Variants in CEP68 observed in about 807,000 individuals in gnomAD.
The protein encoded by CEP68 is centrosomal protein 68, also known as centrosomal protein of 68 kDa.
In CEP68, 26 loss-of-function variants were observed where a neutral mutation model predicts 55.3. The ratio of observed to expected loss-of-function variants is 0.47; its 90% CI spans 0.34 to 0.65. The LOEUF (loss-of-function observed/expected upper bound fraction) is 0.65. Ranked by LOEUF, CEP68 falls within the 30% of genes least tolerant of loss-of-function variation. CEP68 has a pLI of 0.01. For synonymous variants in CEP68, 402 were observed against 383.2 expected (o/e 1.05, Z -0.57); for missense variants, 957 against 946.7 (o/e 1.01, Z -0.14).
intron 1 of CEP68, among the ~76,000 whole-genome samples, chr2:65,059,107 G>A (rs1174531419): frequency 6.6e-6 from 1 of 152,150 alleles, no homozygotes; most frequent in African/African-American, 2.4e-5. Flanking sequence ...TATGGAGGTG[G>A]ACTCTCCTTA....
Position 65,069,601 on chromosome 2 carries a change from T to G in CEP68, c.157T>G (p.Ser53Ala), listed in dbSNP as rs766769339. The G allele has an allele frequency of 2.9e-5, 46 of 1,613,840 alleles. 2 individuals are homozygous for G. In the Admixed American group the frequency reaches 7.3e-4, roughly 26 times the overall value. The stretch of plus-strand genomic sequence containing the variant: ...CCTGGAAGCTGAGGGAGGGCTCATC[T>G]CCCCTGTATGGGGGGCAGAAGGGAT... ...PRLEAEGGLI[S>A]PVWGAEGIPA... is the part of the protein sequence containing the mutation. Residue 53 changes from serine (S) to alanine (A), a missense_variant, in exon 2 of 7, where the codon TCC becomes GCC. Coordinates refer to ENST00000377990, the MANE Select transcript of CEP68 (RefSeq NM_015147.3).
Position 65,071,768 on chromosome 2 carries a change from C to T in CEP68, c.672C>T (p.Val224=), listed in dbSNP as rs1178576140. The change falls in exon 3 of 7, where the codon GTC becomes GTT. Residue 224 remains valine (V), a synonymous_variant. Coordinates refer to ENST00000377990, the MANE Select transcript of CEP68 (RefSeq NM_015147.3). ...AEPRGGSLAK[V]SSSLEPVVPQ... ...CTCGTGGTGGTTCTCTGGCCAAGGT[C>T]TCCTCCTCCCTGGAGCCGGTCGTCC... 1 of 1,612,852 alleles carries T rather than the reference C, an allele frequency of 6.2e-7. No individual in the cohort carries two copies. The highest frequency in any genetic ancestry group is 1.7e-5 in the Admixed American group (1 of 59,992).
At chr2:65,083,074 C>T (rs77196225) in intron 6 of CEP68, among the ~76,000 whole-genome samples, 1,724 of 152,254 alleles carry the variant, frequency 0.011, 22 homozygotes, top group Non-Finnish European at 0.017. Flanking sequence ...ATGACCTGGC[C>T]ACCCCTGTTC....
chr2:65,083,399 T>C (rs759958041), intron 6 of CEP68, among the ~76,000 whole-genome samples: 2 of 152,226 alleles, frequency 1.3e-5, no homozygotes, highest in Non-Finnish European at 2.9e-5. Context: ...TGCCAATGCT[T>C]TTCATAATTC....
chr2:65,074,429 T>C (rs751112426), intron 4 of CEP68, 25 bp downstream of exon 4: 6 of 1,613,988 alleles, frequency 3.7e-6, no homozygotes, highest in Non-Finnish European at 5.1e-6. Flanking sequence ...TGGCTCTGGC[T>C]TGTTCCCTCA....
Position 65,074,318 on chromosome 2 carries a change from C to T in CEP68, c.1921C>T (p.Leu641=), listed in dbSNP as rs1452430345. The change falls in exon 4 of 7, where the codon CTG becomes TTG. Residue 641 remains leucine (L), a synonymous_variant. Transcript: ENST00000377990. ...CCQLEELICW[L]YNVADVTDHG... is the part of the protein sequence containing the mutation. ...TCAGCTGGAAGAGCTGATCTGCTGG[C>T]TGTATAATGTTGCAGATGTTACTGA... 11 of 1,614,180 alleles carry T rather than the reference C, an allele frequency of 6.8e-6. No homozygotes were observed. The highest frequency in any genetic ancestry group is 1.7e-5 in the Admixed American group (1 of 60,026).
At position 65,078,114 on chromosome 2, in the gene CEP68, T is replaced by G. The variant is rs1676845997; in HGVS notation, c.2104+150T>G. 8 of 568,328 alleles carry G rather than the reference T, an allele frequency of 1.4e-5. No individual in the cohort carries two copies. The South Asian group carries it at 1.9e-4, about 13-fold the overall frequency. The allele number at this position is 568,328 out of a possible 1,614,324, so 35.2% of individuals were successfully genotyped here. On this transcript the variant is annotated intron_variant, in intron 5 of 6. Coordinates refer to ENST00000377990, the MANE Select transcript of CEP68 (RefSeq NM_015147.3). ...GATGCCCCATGCCCCATCTGCCAGC[T>G]CCACGCGTCGCTGCCCATCACTGCC...
chr2:65,082,842 C>A, intron 6 of CEP68, 133 bp downstream of exon 6: 1 of 729,516 alleles, frequency 1.4e-6, no homozygotes, highest in South Asian at 2.4e-5. Context: ...GCCAATGGTA[C>A]TAAAAAAGGA....
chr2:65,075,958 G>C (rs1676738834), intron 4 of CEP68, among the ~76,000 whole-genome samples: 1 of 152,044 alleles, frequency 6.6e-6, no homozygotes, highest in South Asian at 2.1e-4. Flanking sequence ...GCCAACTAAA[G>C]TGTAGGGAGG....
intron 5 of CEP68, among the ~76,000 whole-genome samples, chr2:65,081,861 A>AT (rs1553388690): frequency 3.9e-5 from 6 of 152,080 alleles, no homozygotes; most frequent in Non-Finnish European, 8.8e-5. Context: ...CACCCGGCTA[A>AT]TTTTTTTATA....
At chr2:65,080,534 A>G in intron 5 of CEP68, 1 of 985,378 alleles carries the variant, frequency 1.0e-6, no homozygotes, top group South Asian at 4.7e-5. Context: ...AAAGTTCAAA[A>G]GCGTCCGTGC....
chr2:65,068,078 A>G (rs1050148268), intron 1 of CEP68, among the ~76,000 whole-genome samples: 4 of 152,132 alleles, frequency 2.6e-5, no homozygotes, highest in Admixed American at 1.3e-4. Flanking sequence ...GACTAAGGAA[A>G]CAAGGCCATT....
chr2:65,072,966 G>A lies in CEP68; in HGVS notation c.1870G>A (p.Val624Met), dbSNP rs1676569810. 6.2e-7 allele frequency: 1 copy of A among 1,614,234 alleles called. No individual in the cohort carries two copies. The highest frequency in any genetic ancestry group is 8.5e-7 in the Non-Finnish European group (1 of 1,180,052). ...AGGAGAACAGGGAAAAGAATCACTG[G>A]TGCAATGTGTGAAGGTAATGACACT... ...KGGEQGKESLVQCVKTFCCQL... is the reference protein window; with the variant it reads ...KGGEQGKESLMQCVKTFCCQL... Residue 624 changes from valine to methionine, a missense_variant, in exon 3 of 7, where the codon GTG becomes ATG. By Grantham distance (21) the Val-to-Met change is conservative. Transcript: ENST00000377990.
At position 65,086,322 on chromosome 2, in the gene CEP68, G is replaced by C. The variant is rs1337204796; in HGVS notation, c.*2688G>C. 1 of 152,198 alleles carries C rather than the reference G, an allele frequency of 6.6e-6. No individual in the cohort carries two copies. The highest frequency in any genetic ancestry group is 2.4e-5 in the African/African-American group (1 of 41,454). The allele number at this position is 152,198 out of a possible 1,614,324, so 9.4% of individuals were successfully genotyped here. On this transcript the variant is annotated 3_prime_UTR_variant, in exon 7 of 7. Coordinates refer to ENST00000377990, the MANE Select transcript of CEP68 (RefSeq NM_015147.3). ...TGGCAGCACCTTATATTTAGAACAA[G>C]TGGTAATTCCCTTTACTAAGTGAAC... is the stretch of plus-strand genomic sequence containing the variant.
intron 1 of CEP68, among the ~76,000 whole-genome samples, chr2:65,064,457 G>A (rs71424154): frequency 0.017 from 2,536 of 152,214 alleles, 27 homozygotes; most frequent in Middle Eastern, 0.027. Context: ...GCAAGAGGCC[G>A]GGCGTGGTGG....
chr2:65,077,579 G>T (rs890688271), intron 4 of CEP68, among the ~76,000 whole-genome samples: 1 of 152,204 alleles, frequency 6.6e-6, no homozygotes, highest in Non-Finnish European at 1.5e-5. Flanking sequence ...AGGTGAGGGC[G>T]CTAGAAGGAG....
chr2:65,064,492 T>C (rs1006670678), intron 1 of CEP68, among the ~76,000 whole-genome samples: 2 of 152,072 alleles, frequency 1.3e-5, no homozygotes, highest in South Asian at 2.1e-4. Flanking sequence ...CCCAGCACTT[T>C]GGGAGGCCGA....
In CEP68 at chr2:65,069,782, T is replaced by C. The variant is rs753664702; in HGVS notation, c.338T>C (p.Leu113Pro). Residue 113 changes from leucine (L) to proline (P), a missense_variant, in exon 2 of 7, where the codon CTG becomes CCG. By Grantham distance (98) the Leu-to-Pro change is moderately conservative (BLOSUM62 -3). Coordinates refer to ENST00000377990, the MANE Select transcript of CEP68 (RefSeq NM_015147.3). ...GCCACCATGGGGTCTGGAGACCTTC[T>C]GCTCTCCGGGGAAAGCCAGGTAGGT... is the stretch of plus-strand genomic sequence containing the variant. ...PPATMGSGDL[L>P]LSGESQVEKT... 3 of 1,613,980 alleles carry C rather than the reference T, an allele frequency of 1.9e-6. No homozygotes were observed. In the South Asian group the frequency reaches 3.3e-5, roughly 18 times the overall value.
intron 2 of CEP68, among the ~76,000 whole-genome samples, chr2:65,070,526 C>G (rs953284632): frequency 3.3e-5 from 5 of 151,882 alleles, no homozygotes; most frequent in Non-Finnish European, 5.9e-5. Flanking sequence ...GCCTTGGCTG[C>G]TGCAGGGTCC....
Sources: allele counts gnomAD v4.1 joint callset (sites outside exome capture counted in the v4.1 genomes callset), GRCh38; gene constraint gnomAD v4.1.1; transcripts MANE v1.5; gene names NCBI Gene and HGNC (gene_info 2026-07-23, HGNC 2026-07-21).